ARHGAP32: variants seen among roughly 807,000 people sequenced by gnomAD.
ARHGAP32 encodes the protein Rho GTPase activating protein 32.
In ARHGAP32, 51 loss-of-function variants were observed where a neutral mutation model predicts 186.5. The observed-to-expected ratio is 0.27, with a 90% CI of 0.22 to 0.35. The LOEUF is 0.35. Among genes scored for constraint, ARHGAP32 ranks in the 10% least tolerant of loss-of-function variants. ARHGAP32 has a pLI of 1.00. For missense variants in ARHGAP32, 2,186 were observed against 2,623.5 expected, an observed-to-expected ratio of 0.83 and a Z score of 3.64; for synonymous variants, 950 against 964.3, an observed-to-expected ratio of 0.99 and a Z score of 0.27.
intron 8 of ARHGAP32, 104 bp from the exon 9 acceptor site, chr11:129,064,128 CAA>C: frequency 7.2e-6 from 7 of 973,480 alleles, no homozygotes; most frequent in Non-Finnish European, 9.4e-6. Flanking sequence ...TACAATAACC[CAA>C]AGAGTCTTAA....
intron 2 of ARHGAP32, among the ~76,000 whole-genome samples, chr11:129,157,255 A>C (rs983603616): frequency 4.6e-5 from 7 of 152,180 alleles, no homozygotes; most frequent in African/African-American, 1.7e-4. Flanking sequence ...AGCAGGCTTC[A>C]GAAGGTGGGT....
At chr11:129,081,778 G>A (rs1001104443) in intron 6 of ARHGAP32, among the ~76,000 whole-genome samples, 3 of 151,718 alleles carry the variant, frequency 2.0e-5, no homozygotes, top group Non-Finnish European at 2.9e-5. Flanking sequence ...GTGAAATAAA[G>A]GGCATTCAGA....
chr11:129,179,455 A>T (rs942700675), intron 1 of ARHGAP32, among the ~76,000 whole-genome samples: 3 of 152,216 alleles, frequency 2.0e-5, no homozygotes, highest in African/African-American at 7.2e-5. Flanking sequence ...TATATACCCA[A>T]AGGATTATAA....
rs757189879 is a variant in ARHGAP32, at chr11:128,970,543, T to C, written c.4670A>G (p.Asn1557Ser). The C allele has an allele frequency of 3.1e-6, 5 of 1,614,124 alleles. No individual in the cohort carries two copies. The South Asian group carries it at 5.5e-5, about 18-fold the overall frequency. Reference sequence around the variant, plus strand: ...TGGCTTGGAGTGGTGTCCAGATGCGTTTCTTCCTGGGGCCACATATGTGTT... The same window carrying C: ...TGGCTTGGAGTGGTGTCCAGATGCGCTTCTTCCTGGGGCCACATATGTGTT... ...RYNTYVAPGRNASGHHSKPCS... is the reference protein window; with the variant it reads ...RYNTYVAPGRSASGHHSKPCS... The change falls in exon 23 of 23, where the codon AAC becomes AGC. Residue 1557 changes from asparagine (N) to serine (S), a missense_variant. Asn to Ser is a conservative substitution (Grantham distance 46). Around this residue, in one of 5 missense-constraint regions of ARHGAP32, gnomAD observed 1,502 missense variants for 1,570.0 expected, o/e 0.96. Coordinates refer to ENST00000682385, the MANE Select transcript of ARHGAP32 (RefSeq NM_001378024.1). This position sits in a 1 kb window ranked among gnomAD's most constrained non-coding sequence, Gnocchi z 5.8.
At chr11:128,975,983 CA>C (rs1275177890) in intron 20 of ARHGAP32, among the ~76,000 whole-genome samples, 2 of 151,958 alleles carry the variant, frequency 1.3e-5, no homozygotes, top group African/African-American at 4.8e-5. Flanking sequence ...GAGGCTGAGG[CA>C]AGATAATCAC....
intron 1 of ARHGAP32, among the ~76,000 whole-genome samples, chr11:129,210,218 C>T (rs1351149601): frequency 2.6e-5 from 4 of 152,154 alleles, no homozygotes; most frequent in East Asian, 1.9e-4. Context: ...TAGCATTTAC[C>T]GGGATTTCAT....
At chr11:129,162,980 G>C (rs1943561710) in intron 2 of ARHGAP32, among the ~76,000 whole-genome samples, 1 of 152,124 alleles carries the variant, frequency 6.6e-6, no homozygotes, top group African/African-American at 2.4e-5. Context: ...ACATGAAAAT[G>C]CAAAGTAAAT....
chr11:128,982,050 T>C (rs1378930054), intron 15 of ARHGAP32, 114 bp from the exon 16 acceptor site: 6 of 617,042 alleles, frequency 9.7e-6, no homozygotes, highest in East Asian at 3.1e-5. Flanking sequence ...AAAGGGACCA[T>C]ACAAACCCAA....
intron 1 of ARHGAP32, among the ~76,000 whole-genome samples, chr11:129,257,480 A>G (rs1347725097): frequency 6.6e-6 from 1 of 152,110 alleles, no homozygotes; most frequent in Admixed American, 6.6e-5. Context: ...TAGTATTTAA[A>G]AAAACAACTA....
intron 6 of ARHGAP32, among the ~76,000 whole-genome samples, chr11:129,086,778 G>A (rs1423276358): frequency 6.3e-5 from 9 of 141,786 alleles, no homozygotes; most frequent in Non-Finnish European, 1.2e-4. Context: ...CCGAGATTGC[G>A]CCACTGCACT....
Position 128,974,956 on chromosome 11 carries a change from A to G in ARHGAP32, c.2241T>C (p.Asp747=). 1 of 1,613,228 alleles carries G rather than the reference A, an allele frequency of 6.2e-7. No individual in the cohort carries two copies. The highest frequency in any genetic ancestry group is 8.5e-7 in the Non-Finnish European group (1 of 1,179,708). ...FRPRRPRSSS[D]ALSASFNGEM... is the part of the protein sequence containing the mutation. ...CTCCATTAAAAGAGGCAGACAGTGC[A>G]TCACTGGAAGATCTGGGTCTTCTGG... Residue 747 remains aspartate (D), a synonymous_variant, in exon 21 of 23, where the codon GAT becomes GAC. Coordinates refer to ENST00000682385, the MANE Select transcript of ARHGAP32 (RefSeq NM_001378024.1).
chr11:129,262,193 T>G (rs1945329529), intron 1 of ARHGAP32, among the ~76,000 whole-genome samples: 1 of 152,020 alleles, frequency 6.6e-6, no homozygotes, highest in Non-Finnish European at 1.5e-5. Context: ...AAAAAAAAAG[T>G]CTGTATTATC....
At chr11:129,129,825 C>T (rs1370856883) in intron 2 of ARHGAP32, among the ~76,000 whole-genome samples, 1 of 152,188 alleles carries the variant, frequency 6.6e-6, no homozygotes, top group African/African-American at 2.4e-5. Context: ...TCAATCTTTA[C>T]TTTTTTCATT....
chr11:129,069,309 A>C (rs1940795757), intron 6 of ARHGAP32, among the ~76,000 whole-genome samples: 1 of 152,084 alleles, frequency 6.6e-6, no homozygotes, highest in Admixed American at 6.6e-5. Context: ...TTAAGAATTA[A>C]ATCAAATAAA....
At chr11:129,002,805 ATTT>A (rs36036048) in intron 11 of ARHGAP32, among the ~76,000 whole-genome samples, 2 of 108,066 alleles carry the variant, frequency 1.9e-5, no homozygotes, top group East Asian at 2.6e-4. Flanking sequence ...AGGGATGTTG[ATTT>A]TTTTTTTTTT....
At chr11:129,168,768 CAA>C (rs1309748591) in intron 1 of ARHGAP32, among the ~76,000 whole-genome samples, 1 of 151,930 alleles carries the variant, frequency 6.6e-6, no homozygotes, top group Non-Finnish European at 1.5e-5. Context: ...TGCTAGAAGA[CAA>C]AGTCTCAACA....
intron 1 of ARHGAP32, among the ~76,000 whole-genome samples, chr11:129,188,729 C>T (rs1421056633): frequency 6.6e-6 from 1 of 152,158 alleles, no homozygotes; most frequent in Non-Finnish European, 1.5e-5. Flanking sequence ...CCAAATCATC[C>T]AGTTTAACTA....
At chr11:129,060,155 G>A (rs1940431527) in intron 10 of ARHGAP32, among the ~76,000 whole-genome samples, 1 of 152,098 alleles carries the variant, frequency 6.6e-6, no homozygotes, top group Non-Finnish European at 1.5e-5. Flanking sequence ...AAACTTTGGG[G>A]TATAAAGCTA....
intron 1 of ARHGAP32, among the ~76,000 whole-genome samples, chr11:129,221,523 GTGTGTGTGTGTT>G (rs148087061): frequency 0.14 from 17,914 of 123,568 alleles, 1,268 homozygotes; most frequent in Non-Finnish European, 0.18. Context: ...GTGTGTGTGT[GTGTGTGTGTGTT>G]TATGGTAAAA....
Sources: gnomAD v4.1 joint callset for allele counts (sites outside exome capture counted in the v4.1 genomes callset) on GRCh38, gnomAD v4.1.1 for gene constraint, gnomAD v4.1.1 regional missense constraint, Gnocchi (gnomAD v3.1) non-coding constraint, MANE v1.5 for transcripts, NCBI Gene and HGNC (gene_info 2026-07-23, HGNC 2026-07-21) for gene names.